Variants in CDH18 observed in about 807,000 individuals in gnomAD.
CDH18 encodes cadherin-18.
In CDH18, 31 loss-of-function variants were observed where a neutral mutation model predicts 67.9. That is an observed-to-expected ratio of 0.46 (90% confidence interval 0.34 to 0.62). CDH18 has a LOEUF of 0.62. Among genes scored for constraint, CDH18 ranks in the 20% least tolerant of loss-of-function variants. The pLI, the probability that CDH18 is intolerant of heterozygous loss-of-function variation, is 0.01. For synonymous variants in CDH18, 362 were observed against 347.2 expected, an observed-to-expected ratio of 1.04 and a Z score of -0.48; for missense variants, 890 against 975.5, an observed-to-expected ratio of 0.91 and a Z score of 1.17.
chr5:19,578,226 G>A (rs531141734), intron 7 of CDH18, among the ~76,000 whole-genome samples: 4 of 152,298 alleles, frequency 2.6e-5, no homozygotes, highest in Admixed American at 2.0e-4. Context: ...TAGAAACATA[G>A]TAGAAATTTT....
chr5:20,120,180 C>G (rs930497661), intron 2 of CDH18, among the ~76,000 whole-genome samples: 1 of 151,914 alleles, frequency 6.6e-6, no homozygotes, highest in Non-Finnish European at 1.5e-5. Flanking sequence ...ATGCTAAATT[C>G]TAGGATGTAG....
At chr5:20,501,778 G>A (rs1754348294) in intron 1 of CDH18, among the ~76,000 whole-genome samples, 1 of 137,468 alleles carries the variant, frequency 7.3e-6, no homozygotes, top group Non-Finnish European at 1.5e-5. Context: ...GATTGAATAA[G>A]TATAGCCCAA....
At position 20,138,702 on chromosome 5, in the gene CDH18, C is replaced by A. The variant is rs188724618; in HGVS notation, c.-518+116742G>T. Among the ~76,000 whole-genome samples the A allele has an allele frequency of 5.9e-5, 9 of 152,222 alleles. No homozygotes were observed. In the East Asian group the frequency reaches 7.7e-4, roughly 13 times the overall value. On this transcript the variant is annotated intron_variant, in intron 2 of 14. Transcript: ENST00000507958. ...AATAGAGAGCCAAATCATGAGTGAA[C>A]TCCCATTCACAATTGCTTCAAAGAG...
intron 1 of CDH18, among the ~76,000 whole-genome samples, chr5:20,306,895 C>A (rs1329973017): frequency 6.6e-6 from 1 of 151,574 alleles, no homozygotes; most frequent in African/African-American, 2.4e-5. Flanking sequence ...ATGGTATAAT[C>A]AAATTTGTTG....
intron 1 of CDH18, among the ~76,000 whole-genome samples, chr5:20,383,608 G>A (rs1744085685): frequency 6.6e-6 from 1 of 152,100 alleles, no homozygotes; most frequent in Non-Finnish European, 1.5e-5. Context: ...GGCATAAAAT[G>A]CCTTGCTTAA....
intron 3 of CDH18, among the ~76,000 whole-genome samples, chr5:19,774,426 T>TTAAAATAAAATACAATAAAA (rs1774067242): frequency 2.2e-5 from 3 of 139,390 alleles, no homozygotes; most frequent in Non-Finnish European, 4.6e-5. Flanking sequence ...TAAAATAAAA[T>TTAAAATAAAATACAATAAAA]TAAAATAAAA....
intron 2 of CDH18, among the ~76,000 whole-genome samples, chr5:20,002,150 T>C (rs2150401991): frequency 6.6e-6 from 1 of 152,326 alleles, no homozygotes; most frequent in South Asian, 2.1e-4. Flanking sequence ...TTCCAGTACA[T>C]TTCTACTATG....
chr5:20,242,458 G>A (rs1249329799), intron 2 of CDH18, among the ~76,000 whole-genome samples: 1 of 150,900 alleles, frequency 6.6e-6, no homozygotes, highest in Non-Finnish European at 1.5e-5. Flanking sequence ...ACATATCAAT[G>A]AGATCATATG....
intron 2 of CDH18, among the ~76,000 whole-genome samples, chr5:19,939,267 T>C (rs1001552097): frequency 6.6e-6 from 1 of 151,520 alleles, no homozygotes; most frequent in Non-Finnish European, 1.5e-5. Flanking sequence ...CTACTTTAAA[T>C]CTAGCAGTAG....
At chr5:20,206,523 C>A (rs1283935624) in intron 2 of CDH18, among the ~76,000 whole-genome samples, 1 of 151,542 alleles carries the variant, frequency 6.6e-6, no homozygotes, top group Non-Finnish European at 1.5e-5. Context: ...GACAAAGATA[C>A]AAGAAAAAAG....
intron 2 of CDH18, among the ~76,000 whole-genome samples, chr5:20,029,488 G>A (rs541950301): frequency 6.6e-6 from 1 of 152,112 alleles, no homozygotes; most frequent in Non-Finnish European, 1.5e-5. Flanking sequence ...TGCAAGTCTT[G>A]TCTTTCATTT....
chr5:20,304,410 C>T (rs1227795349), intron 1 of CDH18: 8 of 1,419,548 alleles, frequency 5.6e-6, no homozygotes, highest in Non-Finnish European at 7.0e-6. Flanking sequence ...TCAGTAACTA[C>T]TACTTTGGGT....
intron 1 of CDH18, among the ~76,000 whole-genome samples, chr5:20,566,362 T>G (rs1758506897): frequency 9.2e-6 from 1 of 108,984 alleles, no homozygotes; most frequent in Non-Finnish European, 1.6e-5. Flanking sequence ...TTCTTTTTCT[T>G]TTTTTTTTTT....
intron 2 of CDH18, among the ~76,000 whole-genome samples, chr5:20,249,957 T>C (rs901607891): frequency 1.4e-4 from 21 of 152,206 alleles, no homozygotes; most frequent in African/African-American, 4.8e-4. Context: ...TAAATTGAGA[T>C]GAAAATTACA....
At chr5:19,508,244 TG>T (rs1264921204) in intron 10 of CDH18, among the ~76,000 whole-genome samples, 2 of 152,118 alleles carry the variant, frequency 1.3e-5, no homozygotes, top group Non-Finnish European at 1.5e-5. Flanking sequence ...AAAATATACC[TG>T]GGAACTTAAC....
At chr5:20,435,901 A>G (rs534403304) in intron 1 of CDH18, among the ~76,000 whole-genome samples, 1 of 152,046 alleles carries the variant, frequency 6.6e-6, no homozygotes. Flanking sequence ...AAACATCACA[A>G]TTATTATTGA....
rs541446247 is a variant in CDH18 at position 20,526,237 on chromosome 5, AG to A, written c.-580+49224del. On this transcript the variant is annotated intron_variant, in intron 1 of 14. Coordinates refer to the CDH18 transcript ENST00000507958. ...CTGTAGGACTTTAGCAACCCAAGCC[AG>A]GGGTTTGCAGACAGAACTCTCATTT... 6.0e-4 allele frequency among the ~76,000 whole-genome samples: 91 copies of A among 152,248 alleles called. 1 individual carries two copies. The highest frequency in any genetic ancestry group is 1.9e-3 in the Admixed American group (29 of 15,290).
At chr5:20,371,860 T>C (rs1349295928) in intron 1 of CDH18, among the ~76,000 whole-genome samples, 1 of 152,038 alleles carries the variant, frequency 6.6e-6, no homozygotes, top group Non-Finnish European at 1.5e-5. Context: ...CAGGGAGAGG[T>C]GCAGAAGCAT....
At chr5:20,304,686 AG>A in intron 1 of CDH18, 6 of 1,611,662 alleles carry the variant, frequency 3.7e-6, no homozygotes, top group Non-Finnish European at 1.7e-6. Context: ...TTTTCTTTTC[AG>A]ATGTCAGCTC....
Sources: gnomAD v4.1 joint callset for allele counts (sites outside exome capture counted in the v4.1 genomes callset) on GRCh38, gnomAD v4.1.1 for gene constraint, MANE v1.5 for transcripts, NCBI Gene and HGNC (gene_info 2026-07-23, HGNC 2026-07-21) for gene names.